Variants in GALNT14 observed in about 807,000 individuals in gnomAD.
The protein encoded by GALNT14 is polypeptide N-acetylgalactosaminyltransferase 14, also known as UDP-GalNAc:polypeptide N-acetylgalactosaminyltransferase 14.
In GALNT14, 60 loss-of-function variants were observed where a neutral mutation model predicts 77.5. That is an observed-to-expected ratio of 0.77 (90% CI 0.63 to 0.96). GALNT14 has a LOEUF of 0.96. Ranked by LOEUF, GALNT14 falls within the 40% of genes least tolerant of loss-of-function variation. The pLI, the probability that GALNT14 is intolerant of heterozygous loss-of-function variation, is 0.00. For synonymous variants in GALNT14, 280 were observed against 281.7 expected, an observed-to-expected ratio of 0.99 and a Z score of 0.06; for missense variants, 710 against 731.0, an observed-to-expected ratio of 0.97 and a Z score of 0.33.
intron 3 of GALNT14, among the ~76,000 whole-genome samples, chr2:30,964,886 C>T (rs1319312209): frequency 4.6e-5 from 7 of 152,132 alleles, no homozygotes; most frequent in African/African-American, 1.2e-4. Flanking sequence ...CACAGCCATG[C>T]GGCGGCGGGA....
chr2:31,072,078 C>T (rs972852896), intron 1 of GALNT14, among the ~76,000 whole-genome samples: 1 of 151,940 alleles, frequency 6.6e-6, no homozygotes, highest in Non-Finnish European at 1.5e-5. Context: ...GCTAGAGACA[C>T]GTGGAAGAAC....
intron 1 of GALNT14, among the ~76,000 whole-genome samples, chr2:31,113,203 T>C (rs1573366717): frequency 1.3e-5 from 2 of 152,340 alleles, no homozygotes; most frequent in East Asian, 3.9e-4. Context: ...GTGGTTTGAA[T>C]GTGCCCCTGC....
In GALNT14 at chr2:30,924,812, C is replaced by G. The variant is rs1334673273; in HGVS notation, c.1163G>C (p.Arg388Thr). The G allele has an allele frequency of 5.6e-6, 9 of 1,613,752 alleles. No homozygotes were observed. Among genetic ancestry groups the G allele is most frequent in the Admixed American group, 1.7e-5 (1 of 59,998 alleles). Residue 388 changes from arginine (R) to threonine (T), a missense_variant, in exon 12 of 15, where the codon AGA (arginine) becomes ACA (threonine). Transcript: ENST00000349752. ...GCGCAGATTCTTCCTCAGGTCCAAT[C>G]TGCTCTCAACACTGGGGGCAACGGG... The part of the protein sequence containing the change: ...LERPFGNVES[R>T]LDLRKNLRCQ...
At chr2:31,026,086 T>C (rs928549056) in intron 1 of GALNT14, among the ~76,000 whole-genome samples, 1 of 152,178 alleles carries the variant, frequency 6.6e-6, no homozygotes, top group Non-Finnish European at 1.5e-5. Flanking sequence ...CCACATAACA[T>C]TGACCATCAC....
chr2:31,128,719 G>C (rs1159032867), intron 1 of GALNT14, among the ~76,000 whole-genome samples: 2 of 152,140 alleles, frequency 1.3e-5, no homozygotes, highest in Non-Finnish European at 2.9e-5. Flanking sequence ...TGTGGGGAGG[G>C]GGAAGGGCGG....
chr2:30,917,076 C>CAAAAAAAAAAAAAAAAAAAAA, intron 13 of GALNT14, among the ~76,000 whole-genome samples: 1 of 19,892 alleles, frequency 5.0e-5, no homozygotes, highest in Non-Finnish European at 9.3e-5. Context: ...GACTCCGTCT[C>CAAAAAAAAAAAAAAAAAAAAA]AAAAAAAAAA....
chr2:30,945,122 A>G (rs1188743689), intron 7 of GALNT14, among the ~76,000 whole-genome samples, 180 bp from the exon 8 acceptor site: 3 of 152,224 alleles, frequency 2.0e-5, no homozygotes, highest in Non-Finnish European at 2.9e-5. Context: ...AGCGCCGTTC[A>G]CAGCTTCCTG....
the GALNT14 span, among the ~76,000 whole-genome samples, chr2:30,893,614 A>T: frequency 2.0e-5 from 3 of 152,246 alleles, no homozygotes; most frequent in Non-Finnish European, 1.5e-5. Flanking sequence ...TCTAAAACTC[A>T]TATTTCAAGA....
At chr2:30,987,998 G>A (rs891190669) in intron 2 of GALNT14, among the ~76,000 whole-genome samples, 4 of 152,284 alleles carry the variant, frequency 2.6e-5, no homozygotes, top group African/African-American at 9.6e-5. Context: ...TAAGGGAAAA[G>A]CATTTTTCCT....
chr2:31,074,050 G>A (rs116353664), intron 1 of GALNT14, among the ~76,000 whole-genome samples: 2,940 of 152,308 alleles, frequency 0.019, 50 homozygotes, highest in Middle Eastern at 0.041. Context: ...AGCTGCCTGT[G>A]AGTTGAGGAG....
rs192601266 is a variant in GALNT14 at position 30,930,589 on chromosome 2, G to A, written c.1059-1102C>T. The stretch of plus-strand genomic sequence containing the variant: ...GTCAGAAAAGAGTCAGGTGGCTGGT[G>A]GCCTGGGCAGCAGTGGTATCTGCTG... On this transcript the variant is annotated intron_variant, in intron 10 of 14. Coordinates refer to ENST00000349752, the MANE Select transcript of GALNT14 (RefSeq NM_024572.4). 3.9e-5 allele frequency among the ~76,000 whole-genome samples: 6 copies of A among 152,354 alleles called. No individual in the cohort carries two copies. In the East Asian group the frequency reaches 1.2e-3, roughly 29 times the overall value.
chr2:31,079,117 G>GT, intron 1 of GALNT14: 1 of 1,180,276 alleles, frequency 8.5e-7, no homozygotes, highest in Non-Finnish European at 1.1e-6. Flanking sequence ...TGGCATAGGT[G>GT]ACCACACCTT....
At chr2:31,063,997 T>G (rs2148547133) in intron 1 of GALNT14, among the ~76,000 whole-genome samples, 1 of 152,324 alleles carries the variant, frequency 6.6e-6, no homozygotes, top group East Asian at 1.9e-4. Context: ...CAAATAAGGA[T>G]TTGATTCTCA....
intron 1 of GALNT14, among the ~76,000 whole-genome samples, chr2:31,029,030 G>A (rs1558506737): frequency 6.6e-6 from 1 of 152,022 alleles, no homozygotes; most frequent in Non-Finnish European, 1.5e-5. Flanking sequence ...AATTCTCTGG[G>A]GGTTGCTCCC....
the GALNT14 span, among the ~76,000 whole-genome samples, chr2:30,890,454 G>T: frequency 1.3e-5 from 2 of 152,130 alleles, no homozygotes; most frequent in African/African-American, 4.8e-5. Context: ...CCCTTGTAGG[G>T]TTGTTGAAAA....
chr2:31,116,718 C>T (rs867941281), intron 1 of GALNT14, among the ~76,000 whole-genome samples: 5 of 152,112 alleles, frequency 3.3e-5, no homozygotes, highest in Non-Finnish European at 4.4e-5. Flanking sequence ...TTATCTAATA[C>T]ATATATATAG....
In GALNT14 at chr2:30,972,364, G is replaced by A. The variant is rs142435117; in HGVS notation, c.300-6062C>T. On this transcript the variant is annotated intron_variant, in intron 2 of 14. Coordinates refer to ENST00000349752, the MANE Select transcript of GALNT14 (RefSeq NM_024572.4). ...ATCAAACAGGCCTGGCGTGGCGTGG[G>A]ACACACTGGGACTGAACCTTCGCTG... is the stretch of plus-strand genomic sequence containing the variant. 4.3e-4 allele frequency among the ~76,000 whole-genome samples: 66 copies of A among 152,332 alleles called. No individual in the cohort carries two copies. The East Asian group carries it at 0.012, about 27-fold the overall frequency.
chr2:30,913,425 C>T (rs1383648087), intron 13 of GALNT14, among the ~76,000 whole-genome samples: 2 of 152,292 alleles, frequency 1.3e-5, no homozygotes, highest in Admixed American at 6.5e-5. Context: ...GCAGGCCAGC[C>T]TCCTACTCTA....
At chr2:31,110,228 A>G (rs939008958) in intron 1 of GALNT14, among the ~76,000 whole-genome samples, 10 of 152,188 alleles carry the variant, frequency 6.6e-5, no homozygotes, top group Admixed American at 2.0e-4. Context: ...TCCGTGTATT[A>G]TAAATGCAGA....
Sources: gnomAD v4.1 joint callset for allele counts (sites outside exome capture counted in the v4.1 genomes callset) on GRCh38, gnomAD v4.1.1 for gene constraint, MANE v1.5 for transcripts, NCBI Gene and HGNC (gene_info 2026-07-23, HGNC 2026-07-21) for gene names.